The following IFNAR1 variants were observed in gnomAD, a reference collection of about 807,000 sequenced individuals.
IFNAR1 encodes interferon alpha and beta receptor subunit 1, also known as interferon alpha/beta receptor 1.
Under a neutral mutation model 62.1 loss-of-function variants are expected in IFNAR1, and 47 were observed. The observed-to-expected ratio is 0.76, with a 90% CI of 0.60 to 0.97. The LOEUF is 0.97. Ranked by LOEUF, IFNAR1 falls within the 50% of genes least tolerant of loss-of-function variation. IFNAR1 has a pLI of 0.00. For missense variants in IFNAR1, 638 were observed against 654.5 expected (o/e 0.97, Z 0.27); for synonymous variants, 219 against 226.9 (o/e 0.97, Z 0.31).
intron 1 of IFNAR1, chr21:33,334,938 C>T: frequency 6.3e-7 from 1 of 1,579,102 alleles, no homozygotes; most frequent in Non-Finnish European, 8.7e-7. Context: ...CAGGGGGTAC[C>T]ACATCAGGGA....
chr21:33,334,976 G>C, intron 1 of IFNAR1: 1 of 1,577,076 alleles, frequency 6.3e-7, no homozygotes, highest in Non-Finnish European at 8.7e-7. Context: ...ACTACCCAGG[G>C]CTCAGAGGCA....
At chr21:33,348,137 C>T (rs998958688) in intron 6 of IFNAR1, among the ~76,000 whole-genome samples, 1 of 152,174 alleles carries the variant, frequency 6.6e-6, no homozygotes, top group African/African-American at 2.4e-5. Context: ...GTTACTTAAC[C>T]TCTTTAGTCT....
intron 3 of IFNAR1, 78 bp downstream of exon 3, chr21:33,341,252 G>T: frequency 8.9e-7 from 1 of 1,118,416 alleles, no homozygotes; most frequent in Non-Finnish European, 1.3e-6. Context: ...CCATTCATTT[G>T]CATGATGCAA....
At position 33,349,524 on chromosome 21, in the gene IFNAR1, A is replaced by G; in HGVS notation, c.1124A>G (p.Glu375Gly). Reference protein sequence around the residue: ...YPLIYEIIFWENTSNAERKII... With the variant: ...YPLIYEIIFWGNTSNAERKII... The stretch of plus-strand genomic sequence containing the variant: ...CTGATTTATGAAATTATTTTTTGGG[A>G]AAACACTTCAAATGCTGAGGTAAAA... The change falls in exon 8 of 11, where the codon GAA becomes GGA. Residue 375 changes from glutamate (E) to glycine (G), a missense_variant. Glu to Gly is a moderately conservative substitution (Grantham distance 98). Transcript: ENST00000270139. 1 of 1,606,206 alleles carries G rather than the reference A, an allele frequency of 6.2e-7. No homozygotes were observed. Among genetic ancestry groups the G allele is most frequent in the African/African-American group, 1.3e-5 (1 of 74,592 alleles).
chr21:33,342,451 C>A (rs1434847156), intron 3 of IFNAR1, among the ~76,000 whole-genome samples: 1 of 151,796 alleles, frequency 6.6e-6, no homozygotes, highest in African/African-American at 2.4e-5. Context: ...GTTTGAGAAC[C>A]ACTGCCCTGT....
intron 6 of IFNAR1, among the ~76,000 whole-genome samples, chr21:33,347,207 G>T (rs2083357061): frequency 6.7e-6 from 1 of 150,180 alleles, no homozygotes; most frequent in African/African-American, 2.5e-5. Flanking sequence ...TCAGCTCACT[G>T]CAACCTCCGC....
intron 1 of IFNAR1, among the ~76,000 whole-genome samples, chr21:33,327,093 A>G (rs1568924434): frequency 6.6e-6 from 1 of 152,134 alleles, no homozygotes; most frequent in Non-Finnish European, 1.5e-5. Flanking sequence ...AAACTTTTCC[A>G]CAAATATGTA....
rs981876035 is a variant in IFNAR1, at chr21:33,345,328, T to C, written c.756T>C (p.Tyr252=). ...QNYVLKWDYT[Y]ANMTFQVQWL... Reference sequence around the variant, plus strand: ...ATGTTCTTAAATGGGATTATACATATGCAAACATGACCTTTCAAGTTCAGT... The same window carrying C: ...ATGTTCTTAAATGGGATTATACATACGCAAACATGACCTTTCAAGTTCAGT... The change falls in exon 6 of 11, where the codon TAT becomes TAC. Residue 252 remains tyrosine, a synonymous_variant. Transcript: ENST00000270139. The C allele has an allele frequency of 5.0e-6, 8 of 1,600,224 alleles. No homozygotes were observed. The highest frequency in any genetic ancestry group is 1.3e-5 in the African/African-American group (1 of 74,636).
intron 1 of IFNAR1, among the ~76,000 whole-genome samples, chr21:33,328,232 C>G (rs899918396): frequency 1.3e-5 from 2 of 152,014 alleles, no homozygotes; most frequent in Non-Finnish European, 2.9e-5. Flanking sequence ...GAGTGGACAC[C>G]CTTGATGCAG....
intron 2 of IFNAR1, among the ~76,000 whole-genome samples, chr21:33,336,595 A>G (rs978298894): frequency 6.6e-6 from 1 of 152,060 alleles, no homozygotes; most frequent in East Asian, 1.9e-4. Context: ...GCTTCTTTCA[A>G]TATAAGTTGG....
At position 33,328,634 on chromosome 21, in the gene IFNAR1, C is replaced by A. The variant is rs769530863; in HGVS notation, c.76+3503C>A. ...GTCTTTCAGAAGTTGTATAAATGTA[C>A]CTTTTAGCCTAGTAAATGCAATTCT... On this transcript the variant is annotated intron_variant, in intron 1 of 10. Transcript: ENST00000270139. Among the ~76,000 whole-genome samples the A allele has an allele frequency of 6.6e-5, 10 of 152,080 alleles. 1 individual carries two copies. The highest frequency in any genetic ancestry group is 4.4e-5 in the Non-Finnish European group (3 of 68,012).
chr21:33,349,381 T>G lies in IFNAR1; in HGVS notation c.989-8T>G. The G allele has an allele frequency of 6.3e-7, 1 of 1,579,470 alleles. No homozygotes were observed. The highest frequency in any genetic ancestry group is 8.6e-7 in the Non-Finnish European group (1 of 1,166,266). ...ATTGAACATTATTTCTTTACAAATT[T>G]TTTCTAGCTTTCCTACTTCCTCCAG... is the stretch of plus-strand genomic sequence containing the variant. On this transcript the variant is annotated splice_region_variant and splice_polypyrimidine_tract_variant and intron_variant, in intron 7 of 10. Coordinates refer to ENST00000270139, the MANE Select transcript of IFNAR1 (RefSeq NM_000629.3).
intron 1 of IFNAR1, among the ~76,000 whole-genome samples, chr21:33,327,440 A>C (rs17875761): frequency 0.017 from 2,517 of 152,030 alleles, 79 homozygotes; most frequent in African/African-American, 0.058. Context: ...CTTAGTTAAC[A>C]GACAAGGAAA....
rs540759905 is a variant in IFNAR1, at chr21:33,335,781, T to C, written c.200+134T>C. 127 of 720,274 alleles carry C rather than the reference T, an allele frequency of 1.8e-4. No homozygotes were observed. In the Middle Eastern group the frequency reaches 2.1e-3, roughly 12 times the overall value. 44.6% of individuals were successfully genotyped at this position (720,274 alleles called of 1,614,324 possible). A position where few individuals can be genotyped will look rare whatever the true frequency, so the allele number is the denominator to read the frequency against. ...GAAATGTTACGCCTATTTTACATAATATTTTTAACTTTGTTTCTGTAGAGA... is the reference window on the plus strand; with the variant it reads ...GAAATGTTACGCCTATTTTACATAACATTTTTAACTTTGTTTCTGTAGAGA... On this transcript the variant is annotated intron_variant, in intron 2 of 10. Transcript: ENST00000270139.
chr21:33,330,184 A>T (rs1181368250), intron 1 of IFNAR1, among the ~76,000 whole-genome samples: 1 of 152,212 alleles, frequency 6.6e-6, no homozygotes, highest in Non-Finnish European at 1.5e-5. Context: ...GAAACACACC[A>T]TCCAGATATC....
chr21:33,354,696 A>G (rs1376129874), intron 10 of IFNAR1, among the ~76,000 whole-genome samples: 1 of 152,136 alleles, frequency 6.6e-6, no homozygotes, highest in African/African-American at 2.4e-5. Flanking sequence ...GGTTTTGTGA[A>G]TTTGAGCAAG....
chr21:33,333,824 C>T (rs948186830), intron 1 of IFNAR1, among the ~76,000 whole-genome samples: 16 of 151,760 alleles, frequency 1.1e-4, no homozygotes, highest in Non-Finnish European at 1.5e-4. Context: ...GGGGTTTCAC[C>T]GTGTTAGCCA....
intron 2 of IFNAR1, among the ~76,000 whole-genome samples, chr21:33,336,057 A>G (rs2083231485): frequency 1.4e-5 from 2 of 140,880 alleles, no homozygotes; most frequent in East Asian, 2.1e-4. Flanking sequence ...ATATCTCCCA[A>G]TGCTATCCCT....
At chr21:33,354,315 C>T (rs569313369) in intron 10 of IFNAR1, among the ~76,000 whole-genome samples, 2 of 152,306 alleles carry the variant, frequency 1.3e-5, no homozygotes, top group East Asian at 3.9e-4. Flanking sequence ...GCACTCCAGC[C>T]TGGGTGACAG....
Sources: gnomAD v4.1 joint callset for allele counts (sites outside exome capture counted in the v4.1 genomes callset) on GRCh38, gnomAD v4.1.1 for gene constraint, MANE v1.5 for transcripts, NCBI Gene and HGNC (gene_info 2026-07-23, HGNC 2026-07-21) for gene names.